Variants in EIF3H observed in about 807,000 individuals in gnomAD.
The protein encoded by EIF3H is eukaryotic translation initiation factor 3 subunit H.
EIF3H carries 26 observed loss-of-function variants against 44.2 expected under a neutral mutation model. The observed-to-expected ratio is 0.59, with a 90% CI of 0.43 to 0.82. The LOEUF is 0.82. EIF3H is among the 40% of genes least tolerant of loss of function. EIF3H has a pLI of 0.00. For synonymous variants in EIF3H, 166 were observed against 151.9 expected, an observed-to-expected ratio of 1.09 and a Z score of -0.68; for missense variants, 359 against 432.8, an observed-to-expected ratio of 0.83 and a Z score of 1.51.
chr8:116,659,301 A>C (rs1320965060), intron 2 of EIF3H, among the ~76,000 whole-genome samples: 3 of 152,252 alleles, frequency 2.0e-5, no homozygotes, highest in African/African-American at 7.2e-5. Context: ...CAAAATAGTA[A>C]ATGTTTAAGA....
At chr8:116,754,692 G>C (rs966538588) in intron 1 of EIF3H, among the ~76,000 whole-genome samples, 2 of 152,202 alleles carry the variant, frequency 1.3e-5, no homozygotes, top group Non-Finnish European at 2.9e-5. Context: ...TGGTTAAGTG[G>C]AAGAGCCTAG....
intron 1 of EIF3H, among the ~76,000 whole-genome samples, chr8:116,761,945 A>C (rs1815522808): frequency 6.6e-6 from 1 of 152,244 alleles, no homozygotes. Flanking sequence ...TCTCAACAGG[A>C]GATATATCCC....
chr8:116,660,419 C>T (rs1411547772), intron 2 of EIF3H, among the ~76,000 whole-genome samples: 4 of 152,114 alleles, frequency 2.6e-5, no homozygotes, highest in Non-Finnish European at 5.9e-5. Flanking sequence ...TTTTTCATTA[C>T]TTGTAGGAGA....
At chr8:116,756,327 T>C (rs1815449309), upstream of EIF3H, among the ~76,000 whole-genome samples, 1 of 152,234 alleles carries the variant, frequency 6.6e-6, no homozygotes, top group African/African-American at 2.4e-5. Flanking sequence ...TTTATCAGAA[T>C]TACCAGAAAT....
chr8:116,695,410 A>AT (rs1163697223), intron 2 of EIF3H, among the ~76,000 whole-genome samples: 2 of 152,188 alleles, frequency 1.3e-5, no homozygotes, highest in African/African-American at 4.8e-5. Flanking sequence ...ACACAGGTAC[A>AT]TTTTTTTCTG....
chr8:116,678,855 G>C lies in EIF3H; in HGVS notation c.290-19875C>G, dbSNP rs1174393983. Among the ~76,000 whole-genome samples, 20 of 144,634 alleles carry C rather than the reference G, an allele frequency of 1.4e-4. No individual in the cohort carries two copies. In the East Asian group the frequency reaches 3.6e-3, roughly 26 times the overall value. 94.9% of individuals were successfully genotyped at this position (144,634 alleles called of 152,430 possible). A position where few individuals can be genotyped will look rare whatever the true frequency, so the allele number is the denominator to read the frequency against. On this transcript the variant is annotated intron_variant, in intron 2 of 7. Transcript: ENST00000521861. Reference sequence around the variant, plus strand: ...CGCCCGGCAGCCACCCCGACCGGGAGGGAGGTGGGGGGGGGTCAGCCCCCC... The same window carrying C: ...CGCCCGGCAGCCACCCCGACCGGGACGGAGGTGGGGGGGGGTCAGCCCCCC...
chr8:116,750,248 T>TA (rs560635161), intron 1 of EIF3H, among the ~76,000 whole-genome samples: 240 of 152,378 alleles, frequency 1.6e-3, no homozygotes, highest in Non-Finnish European at 3.0e-3. Context: ...GGAGAATTTT[T>TA]AAAAAAACAG....
chr8:116,667,047 T>A (rs569893460), intron 2 of EIF3H, among the ~76,000 whole-genome samples: 10 of 152,154 alleles, frequency 6.6e-5, no homozygotes, highest in Non-Finnish European at 1.5e-4. Flanking sequence ...AGGTGATAAG[T>A]AATATCAGAA....
chr8:116,679,147 G>T (rs1409231699), intron 2 of EIF3H, among the ~76,000 whole-genome samples: 1 of 66,242 alleles, frequency 1.5e-5, no homozygotes, highest in East Asian at 2.5e-4. Context: ...CCGGCCAGCC[G>T]CCCCGTCCGG....
chr8:116,752,748 AGAAAGAGGGAGG>A lies in EIF3H; in HGVS notation c.132+2906_132+2917del, dbSNP rs1193813931. ...AGAAAGAAAGAAGAGAAAGAAAGAA[AGAAAGAGGGAGG>A]GAGGGAGGGAGGGAGGGAGGGAGGG... On this transcript the variant is annotated intron_variant, in intron 1 of 7. Coordinates refer to ENST00000521861, the MANE Select transcript of EIF3H (RefSeq NM_003756.3). 1.9e-3 allele frequency among the ~76,000 whole-genome samples: 199 copies of A among 104,438 alleles called. 5 individuals carry two copies. Among genetic ancestry groups the A allele is most frequent in the African/African-American group, 6.2e-3 (179 of 28,836 alleles). 68.5% of individuals were successfully genotyped at this position (104,438 alleles called of 152,430 possible). A position where few individuals can be genotyped will look rare whatever the true frequency, so the allele number is the denominator to read the frequency against.
At chr8:116,664,270 C>T (rs1354695016) in intron 2 of EIF3H, among the ~76,000 whole-genome samples, 1 of 152,218 alleles carries the variant, frequency 6.6e-6, no homozygotes, top group Non-Finnish European at 1.5e-5. Flanking sequence ...TGTCCAACAA[C>T]TATCCCTTTC....
intron 1 of EIF3H, among the ~76,000 whole-genome samples, chr8:116,761,800 A>C (rs1303668317): frequency 6.6e-6 from 1 of 152,216 alleles, no homozygotes; most frequent in African/African-American, 2.4e-5. Flanking sequence ...GACCTGAAAG[A>C]AGAGCTCACT....
At chr8:116,688,005 A>C (rs1381320935) in intron 2 of EIF3H, among the ~76,000 whole-genome samples, 1 of 152,148 alleles carries the variant, frequency 6.6e-6, no homozygotes, top group African/African-American at 2.4e-5. Context: ...CTACCAATGC[A>C]AAGAAACAAT....
Position 116,755,749 on chromosome 8 carries a change from AGCT to A in EIF3H, c.46_48del (p.Ser17del). ...CCTTTCCCTGCTGCGCCGGCGGTGGAGCTGGAAGAGGTGGCAGTAGAGCCGGTA... is the reference window on the plus strand; with the variant it reads ...CCTTTCCCTGCTGCGCCGGCGGTGGAGGAAGAGGTGGCAGTAGAGCCGGTA... On this transcript the variant is annotated inframe_deletion, in exon 1 of 8. Coordinates refer to ENST00000521861, the MANE Select transcript of EIF3H (RefSeq NM_003756.3). 6.2e-7 allele frequency: 1 copy of A among 1,614,078 alleles called. No homozygotes were observed. The highest frequency in any genetic ancestry group is 8.5e-7 in the Non-Finnish European group (1 of 1,180,006).
chr8:116,681,621 G>A lies in EIF3H; in HGVS notation c.290-22641C>T, dbSNP rs188405279. ...GTGGAGGTTGTAGTGAGCCGAGATC[G>A]AGCCATTGCACTCCAGCCTGGGCAA... On this transcript the variant is annotated intron_variant, in intron 2 of 7. Transcript: ENST00000521861. 5.4e-3 allele frequency among the ~76,000 whole-genome samples: 767 copies of A among 141,876 alleles called. 4 individuals carry two copies. The highest frequency in any genetic ancestry group is 0.019 in the African/African-American group (731 of 37,602). 93.1% of individuals were successfully genotyped at this position (141,876 alleles called of 152,430 possible).
chr8:116,726,836 C>T (rs1011447209), intron 1 of EIF3H, among the ~76,000 whole-genome samples: 2 of 152,092 alleles, frequency 1.3e-5, no homozygotes, highest in African/African-American at 4.8e-5. Context: ...GAGGTAACAC[C>T]GTGCACAGGT....
chr8:116,753,767 G>A (rs1032412055), intron 1 of EIF3H, among the ~76,000 whole-genome samples: 8 of 152,250 alleles, frequency 5.3e-5, no homozygotes, highest in Admixed American at 2.6e-4. Context: ...CCACTGCCCT[G>A]TGTTAGATAG....
chr8:116,712,087 T>C (rs1814580623), intron 2 of EIF3H, among the ~76,000 whole-genome samples: 1 of 152,180 alleles, frequency 6.6e-6, no homozygotes, highest in African/African-American at 2.4e-5. Context: ...CAACTGGAAT[T>C]TGTAGGACTG....
chr8:116,650,793 T>G (rs1178324532), intron 5 of EIF3H, among the ~76,000 whole-genome samples: 1 of 152,144 alleles, frequency 6.6e-6, no homozygotes. Flanking sequence ...ACTACAGGCA[T>G]GCGCCACCAC....
Sources: allele counts gnomAD v4.1 joint callset (sites outside exome capture counted in the v4.1 genomes callset), GRCh38; gene constraint gnomAD v4.1.1; transcripts MANE v1.5; gene names NCBI Gene and HGNC (gene_info 2026-07-23, HGNC 2026-07-21).